The following IRAK1BP1 variants were observed in gnomAD, a reference collection of about 807,000 sequenced individuals.
IRAK1BP1 encodes the protein interleukin-1 receptor-associated kinase 1-binding protein 1.
IRAK1BP1 carries 24 observed loss-of-function variants against 28.0 expected under a neutral mutation model. That is an observed-to-expected ratio of 0.86 (90% CI 0.62 to 1.20). The LOEUF (loss-of-function observed/expected upper bound fraction) is 1.20. IRAK1BP1 is among the 50% of genes most tolerant of loss of function. The pLI is 0.00. For missense variants in IRAK1BP1, 336 were observed against 316.7 expected, an observed-to-expected ratio of 1.06 and a Z score of -0.46; for synonymous variants, 131 against 116.3, an observed-to-expected ratio of 1.13 and a Z score of -0.81.
chr6:78,976,181 A>G, the IRAK1BP1 span, among the ~76,000 whole-genome samples: 1 of 149,890 alleles, frequency 6.7e-6, no homozygotes, highest in African/African-American at 2.4e-5. Context: ...ACAGAGATAT[A>G]GATCAATGGA....
At chr6:78,914,348 A>G (rs546761478) in intron 4 of IRAK1BP1, among the ~76,000 whole-genome samples, 4 of 152,368 alleles carry the variant, frequency 2.6e-5, no homozygotes. Flanking sequence ...TTGGTATCAT[A>G]ATATTCAGCA....
At chr6:78,938,283 T>C (rs939782148) in intron 4 of IRAK1BP1, 1 of 151,678 alleles carries the variant, frequency 6.6e-6, no homozygotes, top group Non-Finnish European at 1.5e-5. Context: ...ACAGTGTCTG[T>C]AGAACAGGAA....
chr6:78,909,848 C>CTT (rs11402304), intron 4 of IRAK1BP1, among the ~76,000 whole-genome samples: 1 of 152,014 alleles, frequency 6.6e-6, no homozygotes, highest in Non-Finnish European at 1.5e-5. Flanking sequence ...TATTTCTTTT[C>CTT]TTTTTTTGCT....
chr6:78,947,071 C>G (rs747071738), downstream of IRAK1BP1, among the ~76,000 whole-genome samples: 67 of 152,046 alleles, frequency 4.4e-4, no homozygotes, highest in Admixed American at 1.5e-3. Flanking sequence ...GTGTTTAGAA[C>G]AGAAATCTTC....
At chr6:78,953,939 A>G in the IRAK1BP1 span, among the ~76,000 whole-genome samples, 1 of 152,158 alleles carries the variant, frequency 6.6e-6, no homozygotes, top group East Asian at 1.9e-4. Context: ...ATCACTCTAC[A>G]TTAAATTTAG....
At position 78,899,258 on chromosome 6, in the gene IRAK1BP1, G is replaced by A. The variant is rs1481569508; in HGVS notation, c.*924G>A. 1.3e-5 allele frequency: 2 copies of A among 152,144 alleles called. No individual in the cohort carries two copies. Among genetic ancestry groups the A allele is most frequent in the African/African-American group, 4.8e-5 (2 of 41,428 alleles). 9.4% of individuals were successfully genotyped at this position (152,144 alleles called of 1,614,324 possible). On this transcript the variant is annotated 3_prime_UTR_variant, in exon 4 of 4. Transcript: ENST00000369940. The stretch of plus-strand genomic sequence containing the variant: ...AGAACAGCCAAGGTCTTTCATGCTT[G>A]CCACACCCAGCAATATGTTTAGGAA...
the IRAK1BP1 span, chr6:78,957,518 A>G: frequency 6.6e-6 from 1 of 151,746 alleles, no homozygotes; most frequent in Admixed American, 6.6e-5. Context: ...GTTAAAACAC[A>G]TTAATCAAAA....
intron 1 of IRAK1BP1, among the ~76,000 whole-genome samples, chr6:78,876,277 G>A (rs1225754034): frequency 1.3e-5 from 2 of 152,124 alleles, no homozygotes; most frequent in African/African-American, 2.4e-5. Flanking sequence ...CTTCTGCCAT[G>A]GTTGTAAGTT....
chr6:78,898,093 ATG>A lies in IRAK1BP1; in HGVS notation c.543_544del (p.Ala182ValfsTer9). 1.2e-6 allele frequency: 2 copies of A among 1,612,264 alleles called. No homozygotes were observed. The highest frequency in any genetic ancestry group is 1.7e-6 in the Non-Finnish European group (2 of 1,179,214). ...CAAGCCTGTCTTGTTGCTGTTGAGA[ATG>A]CGTGGCGCAAAGCTCAAGAAGTCTG... On this transcript the variant is annotated frameshift_variant, in exon 4 of 4. Coordinates refer to ENST00000369940, the MANE Select transcript of IRAK1BP1 (RefSeq NM_001010844.4). LOFTEE classifies it high-confidence loss of function.
chr6:78,971,488 T>C, the IRAK1BP1 span, among the ~76,000 whole-genome samples: 1 of 152,184 alleles, frequency 6.6e-6, no homozygotes, highest in Admixed American at 6.5e-5. Flanking sequence ...TCCCATACTT[T>C]CATTCTATTC....
At chr6:78,955,353 G>A in the IRAK1BP1 span, 53 of 1,099,640 alleles carry the variant, frequency 4.8e-5, no homozygotes, top group Non-Finnish European at 7.1e-5. Context: ...TGATTAACTA[G>A]CAATTATTTC....
At chr6:78,973,072 T>C in the IRAK1BP1 span, among the ~76,000 whole-genome samples, 1 of 152,110 alleles carries the variant, frequency 6.6e-6, no homozygotes, top group African/African-American at 2.4e-5. Context: ...AGACACATAA[T>C]TGTCAGATTC....
the IRAK1BP1 span, chr6:78,957,151 G>A: frequency 7.2e-5 from 11 of 151,984 alleles, no homozygotes; most frequent in Admixed American, 3.3e-4. Context: ...ACATTTCAAA[G>A]TAGCCGTTTG....
chr6:78,914,194 A>G (rs1028046600), intron 4 of IRAK1BP1, among the ~76,000 whole-genome samples: 1 of 152,138 alleles, frequency 6.6e-6, no homozygotes, highest in Non-Finnish European at 1.5e-5. Flanking sequence ...TGAAAAAAAA[A>G]TCTTAAAACT....
chr6:78,893,558 A>G (rs1188840245), intron 2 of IRAK1BP1, among the ~76,000 whole-genome samples: 1 of 152,020 alleles, frequency 6.6e-6, no homozygotes, highest in Non-Finnish European at 1.5e-5. Context: ...AATGGTAACT[A>G]CGTGGGTTTT....
chr6:78,958,596 C>G, the IRAK1BP1 span: 1 of 1,558,536 alleles, frequency 6.4e-7, no homozygotes, highest in Non-Finnish European at 8.8e-7. Flanking sequence ...AGGGAAGAAA[C>G]CCGCCTTAAA....
In IRAK1BP1 at chr6:78,914,185, GA is replaced by G. The variant is rs540964384; in HGVS notation, c.*67+11084del. On this transcript the variant is annotated intron_variant and NMD_transcript_variant, in intron 4 of 4. Coordinates refer to the IRAK1BP1 transcript ENST00000606868. ...TCTTAATAACTTGCAAAAGAACATT[GA>G]AAAAAAAATCTTAAAACTGGAGAAA... 7.6e-4 allele frequency among the ~76,000 whole-genome samples: 114 copies of G among 150,926 alleles called. 1 individual carries two copies. The South Asian group carries it at 8.0e-3, about 11-fold the overall frequency.
intron 1 of IRAK1BP1, among the ~76,000 whole-genome samples, chr6:78,873,064 T>A (rs986022975): frequency 2.0e-4 from 31 of 151,870 alleles, no homozygotes; most frequent in Admixed American, 3.3e-4. Flanking sequence ...AAGGCCAGCC[T>A]AGCTAACACG....
the IRAK1BP1 span, chr6:78,955,532 G>A: frequency 1.7e-6 from 1 of 587,358 alleles, no homozygotes; most frequent in Non-Finnish European, 3.0e-6. Context: ...GTTCACAACA[G>A]CTTTTACCTG....
Sources: allele counts gnomAD v4.1 joint callset (sites outside exome capture counted in the v4.1 genomes callset), GRCh38; gene constraint gnomAD v4.1.1; transcripts MANE v1.5; gene names NCBI Gene and HGNC (gene_info 2026-07-23, HGNC 2026-07-21).